Variants in ARHGAP5 observed in about 807,000 individuals in gnomAD.
ARHGAP5 encodes the protein rho GTPase-activating protein 5.
Under a neutral mutation model 116.6 loss-of-function variants are expected in ARHGAP5, and 23 were observed. The ratio of observed to expected loss-of-function variants is 0.20; its 90% CI spans 0.14 to 0.28. ARHGAP5 has a LOEUF of 0.28. Ranked by LOEUF, ARHGAP5 falls within the 10% of genes least tolerant of loss-of-function variation. The pLI, the probability that ARHGAP5 is intolerant of heterozygous loss-of-function variation, is 1.00. For synonymous variants in ARHGAP5, 574 were observed against 602.0 expected (o/e 0.95, Z 0.68); for missense variants, 1,405 against 1,774.8 (o/e 0.79, Z 3.74).
In ARHGAP5 at chr14:32,157,554, G is replaced by A. The variant is rs1318296536; in HGVS notation, c.*2606G>A. The A allele has an allele frequency of 6.6e-6, 1 of 152,224 alleles. No individual in the cohort carries two copies. Among genetic ancestry groups the A allele is most frequent in the African/African-American group, 2.4e-5 (1 of 41,414 alleles). The allele number at this position is 152,224 out of a possible 1,614,324, so 9.4% of individuals were successfully genotyped here. Reference sequence around the variant, plus strand: ...GGATCTAGATTAGCAATATAAAGAAGCATAGTGGTACTCTGTTTCACACTT... The same window carrying A: ...GGATCTAGATTAGCAATATAAAGAAACATAGTGGTACTCTGTTTCACACTT... On this transcript the variant is annotated 3_prime_UTR_variant, in exon 7 of 7. Transcript: ENST00000345122.
In ARHGAP5 at chr14:32,092,054, C is replaced by T. The variant is rs1239333422; in HGVS notation, c.1385C>T (p.Ala462Val). The T allele has an allele frequency of 6.2e-7, 1 of 1,613,522 alleles. No individual in the cohort carries two copies. Among genetic ancestry groups the T allele is most frequent in the Non-Finnish European group, 8.5e-7 (1 of 1,179,754 alleles). The change falls in exon 2 of 7, where the codon GCC becomes GTC. Residue 462 changes from alanine to valine, a missense_variant. Transcript: ENST00000345122. This position sits in a 1 kb window ranked among gnomAD's most constrained non-coding sequence, Gnocchi z 4.1. ...EVMCFVMEDEAYKYITEADSK... is the reference protein window; with the variant it reads ...EVMCFVMEDEVYKYITEADSK... Reference sequence around the variant, plus strand: ...ATGTGCTTTGTTATGGAGGATGAAGCCTACAAATATATCACTGAGGCTGAT... The same window carrying T: ...ATGTGCTTTGTTATGGAGGATGAAGTCTACAAATATATCACTGAGGCTGAT...
At chr14:32,133,514 A>G (rs879718693) in intron 3 of ARHGAP5, among the ~76,000 whole-genome samples, 8 of 152,208 alleles carry the variant, frequency 5.3e-5, no homozygotes, top group Admixed American at 2.0e-4. Context: ...ATATACAATC[A>G]TGTCATCTGC....
chr14:32,149,978 T>C lies in ARHGAP5; in HGVS notation c.4020T>C (p.Asp1340=). The change falls in exon 5 of 7, where the codon GAT becomes GAC. Residue 1340 remains aspartate (D), a synonymous_variant. Transcript: ENST00000345122. The part of the protein sequence containing the change: ...VAGALKAFFA[D]LPDPLIPYSL... ...GAGCCCTTAAAGCTTTCTTTGCAGA[T>C]CTGCCAGATCCTTTAATTCCATATT... 2 of 1,609,516 alleles carry C rather than the reference T, an allele frequency of 1.2e-6. No individual in the cohort carries two copies. Among genetic ancestry groups the C allele is most frequent in the African/African-American group, 2.7e-5 (2 of 74,796 alleles).
At chr14:32,128,901 T>C (rs545994059) in intron 3 of ARHGAP5, among the ~76,000 whole-genome samples, 2 of 152,354 alleles carry the variant, frequency 1.3e-5, no homozygotes, top group African/African-American at 4.8e-5. Context: ...GTGTTTCTAC[T>C]TTTAGAATGG....
chr14:32,133,794 G>C (rs569059603), intron 3 of ARHGAP5, among the ~76,000 whole-genome samples: 33 of 152,180 alleles, frequency 2.2e-4, no homozygotes, highest in South Asian at 4.1e-4. Flanking sequence ...TAGCATGAAG[G>C]GTTTTTGAAT....
chr14:32,081,668 A>G (rs1008837582), intron 1 of ARHGAP5, among the ~76,000 whole-genome samples: 1 of 152,166 alleles, frequency 6.6e-6, no homozygotes, highest in East Asian at 1.9e-4. Context: ...GTAGAAATAA[A>G]CACGTAACGT....
Position 32,122,524 on chromosome 14 carries a change from T to G in ARHGAP5, c.3865+5237T>G, listed in dbSNP as rs147272322. ...AAGTTTTCAATTTTGATGAAGAACA[T>G]TTTGTCTGTTTCTAAAATTTTGTCA... On this transcript the variant is annotated intron_variant, in intron 3 of 6. Coordinates refer to ENST00000345122, the MANE Select transcript of ARHGAP5 (RefSeq NM_001030055.2). 1.1e-3 allele frequency among the ~76,000 whole-genome samples: 167 copies of G among 152,314 alleles called. 3 individuals are homozygous for G. Among genetic ancestry groups the G allele is most frequent in the African/African-American group, 3.8e-3 (156 of 41,588 alleles).
intron 4 of ARHGAP5, among the ~76,000 whole-genome samples, chr14:32,146,677 CG>C (rs1881394246): frequency 6.6e-6 from 1 of 151,920 alleles, no homozygotes; most frequent in Non-Finnish European, 1.5e-5. Flanking sequence ...AGATTGAAAA[CG>C]AGGCAGTTGA....
At chr14:32,095,415 T>G (rs1253739209) in intron 2 of ARHGAP5, among the ~76,000 whole-genome samples, 319 of 148,612 alleles carry the variant, frequency 2.1e-3, no homozygotes, top group African/African-American at 7.7e-3. Flanking sequence ...TTTTTTTTTT[T>G]GTTTTTTTTT....
chr14:32,130,513 T>C (rs1203178633), intron 3 of ARHGAP5, among the ~76,000 whole-genome samples: 4 of 146,630 alleles, frequency 2.7e-5, no homozygotes, highest in Non-Finnish European at 3.0e-5. Context: ...TGAACCACCA[T>C]GCCCAACCTG....
At chr14:32,104,130 T>A (rs1878907191) in intron 2 of ARHGAP5, among the ~76,000 whole-genome samples, 1 of 152,140 alleles carries the variant, frequency 6.6e-6, no homozygotes, top group African/African-American at 2.4e-5. Flanking sequence ...TTTAAGAAAC[T>A]CCTTGTATAA....
chr14:32,129,051 A>G (rs561598283), intron 3 of ARHGAP5, among the ~76,000 whole-genome samples: 1 of 152,224 alleles, frequency 6.6e-6, no homozygotes, highest in South Asian at 2.1e-4. Context: ...TATTGTCAGT[A>G]TACCTCCTGC....
At chr14:32,117,795 A>C (rs895337834) in intron 3 of ARHGAP5, among the ~76,000 whole-genome samples, 3 of 152,190 alleles carry the variant, frequency 2.0e-5, no homozygotes, top group African/African-American at 7.2e-5. Flanking sequence ...TGTATTTTTA[A>C]AGAATGCATA....
At chr14:32,135,804 A>G (rs1031456787) in intron 3 of ARHGAP5, among the ~76,000 whole-genome samples, 48 of 152,276 alleles carry the variant, frequency 3.2e-4, no homozygotes, top group African/African-American at 1.1e-3. Flanking sequence ...CAGAAGAGAT[A>G]CTCTGATGAG....
intron 3 of ARHGAP5, among the ~76,000 whole-genome samples, chr14:32,130,390 T>C (rs1038963268): frequency 6.9e-5 from 10 of 144,912 alleles, no homozygotes; most frequent in African/African-American, 2.8e-4. Flanking sequence ...TTTTTGGGTT[T>C]TTTTTTTTTT....
intron 3 of ARHGAP5, among the ~76,000 whole-genome samples, chr14:32,132,155 G>T (rs1005714657): frequency 6.6e-6 from 1 of 152,114 alleles, no homozygotes; most frequent in Non-Finnish European, 1.5e-5. Flanking sequence ...CTGAGGAATC[G>T]CCACACTGAC....
intron 3 of ARHGAP5, among the ~76,000 whole-genome samples, chr14:32,125,103 C>T (rs1023849622): frequency 6.6e-6 from 1 of 152,174 alleles, no homozygotes; most frequent in African/African-American, 2.4e-5. Flanking sequence ...ACCACCTCAT[C>T]TAGTTCCAGA....
intron 3 of ARHGAP5, among the ~76,000 whole-genome samples, chr14:32,143,990 TC>T (rs1881256729): frequency 6.6e-6 from 1 of 152,198 alleles, no homozygotes; most frequent in African/African-American, 2.4e-5. Context: ...TACCAAGTGT[TC>T]CTTGAGGTGC....
intron 4 of ARHGAP5, among the ~76,000 whole-genome samples, chr14:32,148,584 T>G (rs1881498594): frequency 6.6e-6 from 1 of 152,232 alleles, no homozygotes; most frequent in East Asian, 1.9e-4. Flanking sequence ...TCATATCATT[T>G]TCATATTATT....
Sources: allele counts gnomAD v4.1 joint callset (sites outside exome capture counted in the v4.1 genomes callset), GRCh38; gene constraint gnomAD v4.1.1; non-coding constraint Gnocchi (gnomAD v3.1); transcripts MANE v1.5; gene names NCBI Gene and HGNC (gene_info 2026-07-23, HGNC 2026-07-21).